Variants in RCOR1 observed in about 807,000 individuals in gnomAD.
RCOR1 encodes REST corepressor 1.
In RCOR1, 12 loss-of-function variants were observed where a neutral mutation model predicts 64.0. That is an observed-to-expected ratio of 0.19 (90% confidence interval 0.12 to 0.30). RCOR1 has a LOEUF of 0.30. RCOR1 is among the 10% of genes least tolerant of loss of function. RCOR1 has a pLI of 1.00. For missense variants in RCOR1, 502 were observed against 621.2 expected, an observed-to-expected ratio of 0.81 and a Z score of 2.04; for synonymous variants, 279 against 227.2, an observed-to-expected ratio of 1.23 and a Z score of -2.05.
At chr14:102,649,525 G>C (rs1427824391) in intron 2 of RCOR1, among the ~76,000 whole-genome samples, 1 of 152,158 alleles carries the variant, frequency 6.6e-6, no homozygotes, top group Non-Finnish European at 1.5e-5. Flanking sequence ...CATGCACCAG[G>C]GCAAGACTAG....
chr14:102,696,651 A>G (rs1485167525), intron 3 of RCOR1, among the ~76,000 whole-genome samples: 6 of 152,106 alleles, frequency 3.9e-5, no homozygotes, highest in Non-Finnish European at 7.4e-5. Context: ...TTTAATCGAT[A>G]AGGGACAGAA....
chr14:102,656,518 A>G (rs1011969355), intron 2 of RCOR1, among the ~76,000 whole-genome samples: 2 of 152,128 alleles, frequency 1.3e-5, no homozygotes, highest in African/African-American at 4.8e-5. Context: ...TCTGTCACCC[A>G]GGCTGGAGTG....
chr14:102,711,523 A>T (rs368645283), intron 7 of RCOR1, among the ~76,000 whole-genome samples: 1 of 152,208 alleles, frequency 6.6e-6, no homozygotes, highest in African/African-American at 2.4e-5. Context: ...GTTTCATCTT[A>T]TCATTTTAAA....
At chr14:102,637,528 G>T (rs1894269391) in intron 2 of RCOR1, among the ~76,000 whole-genome samples, 5 of 152,124 alleles carry the variant, frequency 3.3e-5, no homozygotes, top group African/African-American at 1.2e-4. Context: ...ATGGCCCACC[G>T]CAGCCTTGGC....
At chr14:102,654,076 C>T (rs1304408100) in intron 2 of RCOR1, among the ~76,000 whole-genome samples, 1 of 148,956 alleles carries the variant, frequency 6.7e-6, no homozygotes, top group Non-Finnish European at 1.5e-5. Flanking sequence ...AGCTCTGCCT[C>T]CCGGGTTCAC....
intron 2 of RCOR1, among the ~76,000 whole-genome samples, chr14:102,632,928 C>A (rs896561208): frequency 2.0e-5 from 3 of 151,522 alleles, no homozygotes; most frequent in Non-Finnish European, 4.4e-5. Context: ...TCTCCCACTT[C>A]AGCCTCCTGA....
At chr14:102,677,256 G>A (rs1432068841) in intron 2 of RCOR1, among the ~76,000 whole-genome samples, 2 of 117,216 alleles carry the variant, frequency 1.7e-5, no homozygotes, top group Non-Finnish European at 3.6e-5. Flanking sequence ...CCGGGCAGAG[G>A]GGCTCCTCAC....
At chr14:102,688,284 G>A (rs564705647) in intron 3 of RCOR1, among the ~76,000 whole-genome samples, 32 of 152,268 alleles carry the variant, frequency 2.1e-4, no homozygotes, top group East Asian at 7.7e-4. Context: ...CATTTTTAAA[G>A]GTGTGAAGAT....
At chr14:102,656,254 C>T (rs143676390) in intron 2 of RCOR1, 47 of 261,372 alleles carry the variant, frequency 1.8e-4, no homozygotes, top group Non-Finnish European at 2.5e-4. Flanking sequence ...ATTCTCCTGC[C>T]TCAGCCTCCT....
chr14:102,682,175 G>C (rs886444934), intron 3 of RCOR1, among the ~76,000 whole-genome samples, 197 bp downstream of exon 3: 21 of 152,034 alleles, frequency 1.4e-4, no homozygotes, highest in African/African-American at 5.1e-4. Flanking sequence ...TGTTGCCCAG[G>C]CTGGAGTGCA....
intron 2 of RCOR1, among the ~76,000 whole-genome samples, chr14:102,625,231 C>CTTTTTTTTT (rs61403856): frequency 1.0e-4 from 8 of 79,178 alleles, no homozygotes; most frequent in Non-Finnish European, 1.3e-4. Context: ...TATCTTGTTA[C>CTTTTTTTTT]TTTTTTTTTT....
intron 8 of RCOR1, among the ~76,000 whole-genome samples, chr14:102,718,258 T>A (rs933938739): frequency 1.8e-4 from 28 of 152,022 alleles, no homozygotes; most frequent in African/African-American, 5.6e-4. Context: ...AACCCTCACA[T>A]CTGCATTCAG....
chr14:102,653,636 G>GGT (rs1296874386), intron 2 of RCOR1, among the ~76,000 whole-genome samples: 1 of 152,088 alleles, frequency 6.6e-6, no homozygotes, highest in African/African-American at 2.4e-5. Context: ...GGATCATGGG[G>GGT]GTGGATATCC....
chr14:102,620,252 C>CACA (rs565606789), intron 2 of RCOR1, among the ~76,000 whole-genome samples: 1 of 151,492 alleles, frequency 6.6e-6, no homozygotes, highest in African/African-American at 2.4e-5. Flanking sequence ...CACACACACA[C>CACA]CCCCCCACAC....
intron 2 of RCOR1, among the ~76,000 whole-genome samples, chr14:102,648,602 A>G (rs1411294619): frequency 3.3e-5 from 5 of 152,190 alleles, no homozygotes; most frequent in African/African-American, 1.2e-4. Flanking sequence ...AAGTAGATCT[A>G]TGTGTATTTA....
At chr14:102,643,887 C>A (rs1050262189) in intron 2 of RCOR1, among the ~76,000 whole-genome samples, 3 of 152,198 alleles carry the variant, frequency 2.0e-5, no homozygotes, top group African/African-American at 7.2e-5. Flanking sequence ...TTAGAAGGTT[C>A]TTCTTTGGGA....
intron 2 of RCOR1, among the ~76,000 whole-genome samples, chr14:102,632,961 C>T (rs1340871369): frequency 4.0e-5 from 6 of 151,406 alleles, no homozygotes; most frequent in Non-Finnish European, 8.8e-5. Flanking sequence ...ATTTGTGCCA[C>T]TACATCTGGC....
chr14:102,707,165 G>A (rs375380180), intron 4 of RCOR1, among the ~76,000 whole-genome samples, 186 bp from the exon 5 acceptor site: 2 of 152,018 alleles, frequency 1.3e-5, no homozygotes, highest in East Asian at 1.9e-4. Flanking sequence ...TGAAAAAAAA[G>A]TATGTGTATA....
intron 4 of RCOR1, among the ~76,000 whole-genome samples, chr14:102,706,780 C>T (rs996302280): frequency 2.0e-5 from 3 of 151,738 alleles, no homozygotes; most frequent in African/African-American, 4.8e-5. Flanking sequence ...GCAGTGAGTG[C>T]CACTGCACTC....
Sources: allele counts gnomAD v4.1 joint callset (sites outside exome capture counted in the v4.1 genomes callset), GRCh38; gene constraint gnomAD v4.1.1; transcripts MANE v1.5; gene names NCBI Gene and HGNC (gene_info 2026-07-23, HGNC 2026-07-21).